Variants in FSTL5 observed in about 807,000 individuals in gnomAD.
FSTL5 encodes follistatin-related protein 5.
FSTL5 carries 62 observed loss-of-function variants against 89.1 expected under a neutral mutation model. That is an observed-to-expected ratio of 0.70 (90% confidence interval 0.57 to 0.86). FSTL5 has a LOEUF of 0.86. FSTL5 is among the 40% of genes least tolerant of loss of function. FSTL5 has a pLI of 0.00. For synonymous variants in FSTL5, 383 were observed against 346.2 expected (o/e 1.11, Z -1.18); for missense variants, 1,057 against 1,001.6 (o/e 1.06, Z -0.75).
intron 3 of FSTL5, among the ~76,000 whole-genome samples, chr4:162,004,691 T>A (rs546019093): frequency 6.6e-6 from 1 of 152,320 alleles, no homozygotes; most frequent in South Asian, 2.1e-4. Context: ...TATTTTTATT[T>A]TCTGTGCTGA....
intron 6 of FSTL5, among the ~76,000 whole-genome samples, chr4:161,750,438 A>G (rs1267366261): frequency 6.6e-6 from 1 of 152,182 alleles, no homozygotes; most frequent in Non-Finnish European, 1.5e-5. Flanking sequence ...TGGTATGATA[A>G]TAATATTTTG....
At chr4:162,100,928 G>C (rs151244334) in intron 2 of FSTL5, among the ~76,000 whole-genome samples, 5 of 152,316 alleles carry the variant, frequency 3.3e-5, no homozygotes, top group Admixed American at 2.6e-4. Flanking sequence ...ACATACGAGA[G>C]CACGATTTTG....
chr4:161,779,780 TATATATATA>T (rs1741567948), intron 4 of FSTL5, among the ~76,000 whole-genome samples: 8 of 42,786 alleles, frequency 1.9e-4, no homozygotes, highest in Admixed American at 9.1e-4. Flanking sequence ...TATATGTATA[TATATATATA>T]TATATATATA....
chr4:162,010,941 TTA>T (rs150277867), intron 3 of FSTL5, among the ~76,000 whole-genome samples: 3 of 152,120 alleles, frequency 2.0e-5, no homozygotes, highest in Admixed American at 6.5e-5. Context: ...TTTATTTCTC[TTA>T]TATATATATC....
chr4:162,021,425 C>T (rs1318997539), intron 3 of FSTL5, among the ~76,000 whole-genome samples: 2 of 152,058 alleles, frequency 1.3e-5, no homozygotes, highest in East Asian at 3.9e-4. Context: ...TAAAATTATA[C>T]CTCCTTCCCA....
intron 3 of FSTL5, among the ~76,000 whole-genome samples, chr4:162,027,098 A>C (rs1578960495): frequency 6.6e-6 from 1 of 152,278 alleles, no homozygotes; most frequent in Non-Finnish European, 1.5e-5. Context: ...TACTTTTTGA[A>C]AACTCTTCTG....
intron 7 of FSTL5, among the ~76,000 whole-genome samples, chr4:161,627,258 T>C (rs1735345217): frequency 6.6e-6 from 1 of 152,148 alleles, no homozygotes; most frequent in South Asian, 2.1e-4. Context: ...ACCACTCTGC[T>C]CAGTCAGCAG....
chr4:161,733,721 T>G (rs1579055639), intron 6 of FSTL5, among the ~76,000 whole-genome samples: 1 of 152,150 alleles, frequency 6.6e-6, no homozygotes, highest in East Asian at 1.9e-4. Context: ...ATTGATATAT[T>G]AAAATTATTT....
chr4:162,085,881 T>G (rs933286963), intron 2 of FSTL5, among the ~76,000 whole-genome samples: 1 of 152,136 alleles, frequency 6.6e-6, no homozygotes, highest in African/African-American at 2.4e-5. Flanking sequence ...GATTTTATTC[T>G]AAGCCAATTT....
At chr4:161,944,132 A>G (rs1470350560) in intron 3 of FSTL5, among the ~76,000 whole-genome samples, 1 of 152,184 alleles carries the variant, frequency 6.6e-6, no homozygotes, top group Non-Finnish European at 1.5e-5. Flanking sequence ...CTGCTGAGTT[A>G]TCTAGCTTCA....
At chr4:161,826,655 TG>T (rs1730679134) in intron 4 of FSTL5, among the ~76,000 whole-genome samples, 1 of 152,210 alleles carries the variant, frequency 6.6e-6, no homozygotes, top group Non-Finnish European at 1.5e-5. Context: ...CCTTTCTTTG[TG>T]TTTTTTATGG....
chr4:161,722,258 T>G (rs2126752611), intron 6 of FSTL5, among the ~76,000 whole-genome samples: 1 of 152,318 alleles, frequency 6.6e-6, no homozygotes, highest in Admixed American at 6.5e-5. Flanking sequence ...TTCTTTCTAC[T>G]CTTGTAAGAA....
At chr4:161,736,051 G>C (rs1241894216) in intron 6 of FSTL5, among the ~76,000 whole-genome samples, 1 of 152,080 alleles carries the variant, frequency 6.6e-6, no homozygotes, top group South Asian at 2.1e-4. Context: ...TCAAATTTCT[G>C]CAATTGTTAA....
chr4:161,925,120 C>A (rs1327887939), intron 3 of FSTL5, among the ~76,000 whole-genome samples: 1 of 151,720 alleles, frequency 6.6e-6, no homozygotes, highest in African/African-American at 2.4e-5. Flanking sequence ...TCCAAAAAAT[C>A]CTTTAATGTA....
chr4:161,801,238 C>T (rs1465654159), intron 4 of FSTL5, among the ~76,000 whole-genome samples: 1 of 151,556 alleles, frequency 6.6e-6, no homozygotes, highest in East Asian at 1.9e-4. Flanking sequence ...TAGTACAAAA[C>T]TGCATATTTC....
chr4:162,048,448 T>C (rs1430927660), intron 2 of FSTL5, among the ~76,000 whole-genome samples: 3 of 152,090 alleles, frequency 2.0e-5, no homozygotes, highest in African/African-American at 7.2e-5. Flanking sequence ...ATAATTTAAA[T>C]TGGTAACACT....
chr4:161,499,509 A>C (rs1335495411), intron 12 of FSTL5, among the ~76,000 whole-genome samples: 1 of 152,174 alleles, frequency 6.6e-6, no homozygotes, highest in Non-Finnish European at 1.5e-5. Flanking sequence ...TGGTAGGCTG[A>C]AATGAGGATT....
At chr4:161,559,521 T>C (rs1400273197) in intron 8 of FSTL5, among the ~76,000 whole-genome samples, 1 of 151,984 alleles carries the variant, frequency 6.6e-6, no homozygotes, top group Admixed American at 6.6e-5. Flanking sequence ...AGACAATGCA[T>C]TCACATGGTT....
intron 15 of FSTL5, among the ~76,000 whole-genome samples, chr4:161,414,510 T>C (rs1038219120): frequency 3.3e-5 from 5 of 152,204 alleles, no homozygotes; most frequent in Admixed American, 1.3e-4. Flanking sequence ...GTCTCTAGAA[T>C]CTTTGGTGTA....
Sources: allele counts gnomAD v4.1 joint callset (sites outside exome capture counted in the v4.1 genomes callset), GRCh38; gene constraint gnomAD v4.1.1; transcripts MANE v1.5; gene names NCBI Gene and HGNC (gene_info 2026-07-23, HGNC 2026-07-21).